GALNTL6: variants seen among roughly 807,000 people sequenced by gnomAD.
GALNTL6 encodes the protein polypeptide N-acetylgalactosaminyltransferase-like 6.
Under a neutral mutation model 73.7 loss-of-function variants are expected in GALNTL6, and 46 were observed. The ratio of observed to expected loss-of-function variants is 0.62; its 90% CI spans 0.49 to 0.80. The LOEUF (loss-of-function observed/expected upper bound fraction) is 0.80, where lower values mean the gene tolerates loss of function less well. GALNTL6 is among the 30% of genes least tolerant of loss of function. The pLI is 0.00. For missense variants in GALNTL6, 604 were observed against 755.0 expected (o/e 0.80, Z 2.34); for synonymous variants, 259 against 263.7 (o/e 0.98, Z 0.17).
intron 5 of GALNTL6, among the ~76,000 whole-genome samples, chr4:172,569,385 T>A (rs1243957220): frequency 6.6e-6 from 1 of 152,142 alleles, no homozygotes; most frequent in East Asian, 1.9e-4. Context: ...AGGCCCCATC[T>A]CCAAATACTG....
chr4:172,565,211 C>T (rs553299261), intron 5 of GALNTL6, among the ~76,000 whole-genome samples: 2 of 152,342 alleles, frequency 1.3e-5, no homozygotes, highest in African/African-American at 4.8e-5. Context: ...AATACTGTCA[C>T]ATTGGGTATT....
chr4:171,937,320 T>G (rs1738380347), intron 2 of GALNTL6, among the ~76,000 whole-genome samples: 1 of 152,140 alleles, frequency 6.6e-6, no homozygotes, highest in Non-Finnish European at 1.5e-5. Context: ...TTCTTACTTA[T>G]TTTTCCAATT....
At chr4:171,854,481 G>A (rs1467966681) in intron 2 of GALNTL6, among the ~76,000 whole-genome samples, 1 of 152,174 alleles carries the variant, frequency 6.6e-6, no homozygotes, top group Non-Finnish European at 1.5e-5. Context: ...GTGGACTCCT[G>A]CCACAGTTGA....
chr4:172,747,592 GA>G (rs1160987102), intron 5 of GALNTL6, among the ~76,000 whole-genome samples: 11 of 151,800 alleles, frequency 7.2e-5, no homozygotes, highest in Admixed American at 4.6e-4. Context: ...TAGTCATTTT[GA>G]AAAACATTAT....
At chr4:171,919,091 C>A (rs1737710128) in intron 2 of GALNTL6, among the ~76,000 whole-genome samples, 1 of 151,982 alleles carries the variant, frequency 6.6e-6, no homozygotes, top group Non-Finnish European at 1.5e-5. Flanking sequence ...CTATCGTCAA[C>A]AATAATATAT....
chr4:172,556,403 T>C (rs1411946361), intron 5 of GALNTL6, among the ~76,000 whole-genome samples: 2 of 152,070 alleles, frequency 1.3e-5, no homozygotes, highest in African/African-American at 4.8e-5. Context: ...GTGACAGGCA[T>C]ACACTTTAGC....
chr4:172,424,293 A>C (rs1201055016), intron 5 of GALNTL6, among the ~76,000 whole-genome samples: 1 of 152,146 alleles, frequency 6.6e-6, no homozygotes, highest in African/African-American at 2.4e-5. Context: ...AATATTTTAC[A>C]TATCATGAGA....
intron 5 of GALNTL6, among the ~76,000 whole-genome samples, chr4:172,557,837 GT>G (rs147403478): frequency 0.043 from 6,461 of 151,646 alleles, 440 homozygotes; most frequent in African/African-American, 0.14. Flanking sequence ...AAATCTAGGT[GT>G]TTTTTTTAAG....
chr4:172,815,426 G>T (rs953583322), intron 7 of GALNTL6, among the ~76,000 whole-genome samples: 2 of 152,148 alleles, frequency 1.3e-5, no homozygotes, highest in East Asian at 3.8e-4. Context: ...CAGTTCGGCC[G>T]CTATGATGTG....
At chr4:172,017,232 C>G (rs1453620779) in intron 2 of GALNTL6, among the ~76,000 whole-genome samples, 6 of 152,106 alleles carry the variant, frequency 3.9e-5, no homozygotes, top group African/African-American at 1.4e-4. Flanking sequence ...CTTCAGCTCC[C>G]CTGCCATGTC....
intron 2 of GALNTL6, among the ~76,000 whole-genome samples, chr4:171,845,422 A>C (rs116798860): frequency 6.6e-6 from 1 of 152,306 alleles, no homozygotes; most frequent in African/African-American, 2.4e-5. Flanking sequence ...GTTAATATCA[A>C]TGTAAAATTC....
At chr4:172,275,912 G>A (rs1305484950) in intron 3 of GALNTL6, among the ~76,000 whole-genome samples, 1 of 152,288 alleles carries the variant, frequency 6.6e-6, no homozygotes, top group South Asian at 2.1e-4. Flanking sequence ...AGCCAAGTTT[G>A]TGCCGCTGCA....
intron 5 of GALNTL6, among the ~76,000 whole-genome samples, chr4:172,482,205 G>C (rs1288302771): frequency 1.3e-5 from 2 of 152,212 alleles, no homozygotes; most frequent in African/African-American, 2.4e-5. Context: ...CGGAACTCGC[G>C]CTGGCCCAGG....
At chr4:172,368,565 A>T (rs143242827) in intron 5 of GALNTL6, among the ~76,000 whole-genome samples, 1 of 152,354 alleles carries the variant, frequency 6.6e-6, no homozygotes, top group East Asian at 1.9e-4. Flanking sequence ...CACAAAGCTC[A>T]TCTAAAACAG....
In GALNTL6 at chr4:172,305,494, A is replaced by G. The variant is rs915690589; in HGVS notation, c.248-6120A>G. 5.5e-4 allele frequency among the ~76,000 whole-genome samples: 83 copies of G among 152,104 alleles called. 1 individual carries two copies. The highest frequency in any genetic ancestry group is 4.4e-5 in the Non-Finnish European group (3 of 68,014). On this transcript the variant is annotated intron_variant, in intron 3 of 12. Coordinates refer to ENST00000506823, the MANE Select transcript of GALNTL6 (RefSeq NM_001034845.3). ...ATTTTACATTTGATAATAGTAAATT[A>G]TATTATAAATTTTAGTGTTGAAATA...
At position 172,345,680 on chromosome 4, in the gene GALNTL6, A is replaced by G. The variant is rs542371124; in HGVS notation, c.387-2843A>G. On this transcript the variant is annotated intron_variant, in intron 4 of 12. Coordinates refer to ENST00000506823, the MANE Select transcript of GALNTL6 (RefSeq NM_001034845.3). The stretch of plus-strand genomic sequence containing the variant: ...CAAATGAGGTATAACTTATTTGCCT[A>G]TGTCTAAGTTTAGGTTCCTCTAGAA... Among the ~76,000 whole-genome samples, 6 of 152,272 alleles carry G rather than the reference A, an allele frequency of 3.9e-5. No homozygotes were observed. In the South Asian group the frequency reaches 1.0e-3, roughly 26 times the overall value.
intron 11 of GALNTL6, among the ~76,000 whole-genome samples, chr4:173,011,594 T>A (rs991913972): frequency 6.6e-6 from 1 of 152,164 alleles, no homozygotes; most frequent in African/African-American, 2.4e-5. Context: ...CTTCTGCATG[T>A]GGATATCCAG....
intron 7 of GALNTL6, among the ~76,000 whole-genome samples, chr4:172,874,951 G>A (rs536752339): frequency 2.6e-5 from 4 of 152,330 alleles, no homozygotes; most frequent in Admixed American, 1.3e-4. Flanking sequence ...CACTCCAGGG[G>A]ACTAGCAGCA....
At chr4:172,019,074 A>T (rs967774880) in intron 2 of GALNTL6, among the ~76,000 whole-genome samples, 8 of 151,772 alleles carry the variant, frequency 5.3e-5, no homozygotes, top group Non-Finnish European at 1.0e-4. Flanking sequence ...TTGGGAACTC[A>T]CAGTTTTTCG....
Sources: gnomAD v4.1 joint callset for allele counts (sites outside exome capture counted in the v4.1 genomes callset) on GRCh38, gnomAD v4.1.1 for gene constraint, MANE v1.5 for transcripts, NCBI Gene and HGNC (gene_info 2026-07-23, HGNC 2026-07-21) for gene names.